GREB1L: variants seen among roughly 807,000 people sequenced by gnomAD.
The protein encoded by GREB1L is GREB1-like protein.
GREB1L carries 17 observed loss-of-function variants against 200.8 expected under a neutral mutation model. The ratio of observed to expected loss-of-function variants is 0.08; its 90% CI spans 0.06 to 0.13. GREB1L has a LOEUF of 0.13. Ranked by LOEUF, GREB1L falls within the 10% of genes least tolerant of loss-of-function variation. GREB1L has a pLI of 1.00. For missense variants in GREB1L, 1,657 were observed against 2,367.7 expected (o/e 0.70, Z 6.23); for synonymous variants, 789 against 893.0 (o/e 0.88, Z 2.08).
At chr18:21,262,529 T>A (rs1312095125) in intron 1 of GREB1L, among the ~76,000 whole-genome samples, 2 of 152,202 alleles carry the variant, frequency 1.3e-5, no homozygotes, top group African/African-American at 4.8e-5. Flanking sequence ...GTTGTTTCTG[T>A]TATTTCACAC....
intron 15 of GREB1L, among the ~76,000 whole-genome samples, chr18:21,462,667 C>G (rs1244350087): frequency 6.6e-6 from 1 of 152,106 alleles, no homozygotes; most frequent in Non-Finnish European, 1.5e-5. Context: ...CCAGGCTGGT[C>G]TCGAACCACT....
At chr18:21,470,284 T>C (rs1424101568) in intron 15 of GREB1L, among the ~76,000 whole-genome samples, 5 of 152,124 alleles carry the variant, frequency 3.3e-5, no homozygotes, top group Non-Finnish European at 7.4e-5. Flanking sequence ...AGGACTCTTG[T>C]CTCTTTAAAT....
chr18:21,293,409 T>A (rs2144609016), intron 1 of GREB1L, among the ~76,000 whole-genome samples: 1 of 152,344 alleles, frequency 6.6e-6, no homozygotes, highest in East Asian at 1.9e-4. Flanking sequence ...TTTTATTTTA[T>A]GTAATGAAGT....
At chr18:21,246,155 T>A (rs576823335) in intron 1 of GREB1L, among the ~76,000 whole-genome samples, 2 of 152,158 alleles carry the variant, frequency 1.3e-5, no homozygotes, top group South Asian at 4.2e-4. Flanking sequence ...AAATTAGAGG[T>A]TGTGGGTTTA....
intron 17 of GREB1L, among the ~76,000 whole-genome samples, chr18:21,481,239 G>A (rs186816712): frequency 1.4e-4 from 21 of 152,090 alleles, no homozygotes; most frequent in Admixed American, 7.9e-4. Context: ...CAGGGGGATG[G>A]GGGCAGGAGG....
chr18:21,436,738 T>C (rs1257291639), intron 7 of GREB1L, among the ~76,000 whole-genome samples: 1 of 150,314 alleles, frequency 6.7e-6, no homozygotes, highest in East Asian at 2.0e-4. Context: ...TGAAACAGGG[T>C]ATCTCTCTGT....
At chr18:21,319,567 G>T (rs8098796) in intron 1 of GREB1L, among the ~76,000 whole-genome samples, 26,446 of 152,208 alleles carry the variant, frequency 0.17, 5,274 homozygotes, top group African/African-American at 0.48. Flanking sequence ...AAGTTAGTAT[G>T]TTTTCCCTTT....
chr18:21,282,280 A>T (rs1259663124), intron 1 of GREB1L, among the ~76,000 whole-genome samples: 2 of 152,184 alleles, frequency 1.3e-5, no homozygotes, highest in South Asian at 4.1e-4. Flanking sequence ...TCTCTTAAAA[A>T]AAAATTATGG....
intron 7 of GREB1L, among the ~76,000 whole-genome samples, chr18:21,437,851 CAG>C (rs1411986359): frequency 6.6e-6 from 1 of 152,060 alleles, no homozygotes; most frequent in Non-Finnish European, 1.5e-5. Flanking sequence ...TATTTTTTAA[CAG>C]ATAATTAAAA....
intron 17 of GREB1L, among the ~76,000 whole-genome samples, chr18:21,482,419 G>A (rs1598907657): frequency 6.6e-6 from 1 of 152,054 alleles, no homozygotes; most frequent in Admixed American, 6.6e-5. Context: ...CACCACGCTC[G>A]GCTAATTTTT....
At chr18:21,343,254 G>A (rs1203721817) in intron 1 of GREB1L, among the ~76,000 whole-genome samples, 1 of 152,154 alleles carries the variant, frequency 6.6e-6, no homozygotes, top group Non-Finnish European at 1.5e-5. Context: ...GGATTCATGG[G>A]TAAACCTACC....
intron 1 of GREB1L, among the ~76,000 whole-genome samples, chr18:21,283,206 A>C (rs1470591850): frequency 6.6e-6 from 1 of 152,198 alleles, no homozygotes; most frequent in Non-Finnish European, 1.5e-5. Flanking sequence ...GGAACCTATC[A>C]GTTATTTGTT....
chr18:21,402,553 T>C (rs968983059), intron 6 of GREB1L, among the ~76,000 whole-genome samples: 8 of 151,388 alleles, frequency 5.3e-5, no homozygotes, highest in Admixed American at 2.0e-4. Context: ...TTTTCTTTCT[T>C]ACACGCTCTC....
At chr18:21,369,098 C>G (rs2039778564) in intron 2 of GREB1L, among the ~76,000 whole-genome samples, 1 of 152,128 alleles carries the variant, frequency 6.6e-6, no homozygotes, top group Admixed American at 6.6e-5. Flanking sequence ...ATTATAGTAT[C>G]TTTTGAAATT....
chr18:21,464,296 G>A (rs1354216451), intron 15 of GREB1L, among the ~76,000 whole-genome samples: 3 of 152,072 alleles, frequency 2.0e-5, no homozygotes, highest in East Asian at 1.9e-4. Flanking sequence ...TTGGGAGGCC[G>A]AGGGGGGCGG....
chr18:21,370,305 T>C (rs184273567), intron 2 of GREB1L, among the ~76,000 whole-genome samples: 1 of 152,280 alleles, frequency 6.6e-6, no homozygotes, highest in East Asian at 1.9e-4. Context: ...GTTAGACAGA[T>C]ACTAGACCCA....
At chr18:21,368,468 GA>G (rs960409827) in intron 2 of GREB1L, among the ~76,000 whole-genome samples, 6 of 151,586 alleles carry the variant, frequency 4.0e-5, no homozygotes, top group African/African-American at 1.2e-4. Context: ...GAATGTTTAA[GA>G]AAAAAAACAG....
rs749184398 is a variant in GREB1L, at chr18:21,508,597, G to A, written c.4735+6G>A. 1.6e-5 allele frequency: 25 copies of A among 1,551,156 alleles called. No homozygotes were observed. In the African/African-American group the frequency reaches 3.0e-4, roughly 19 times the overall value. On this transcript the variant is annotated splice_donor_region_variant and intron_variant, in intron 27 of 32. Coordinates refer to ENST00000424526, the MANE Select transcript of GREB1L (RefSeq NM_001142966.3). Reference sequence around the variant, plus strand: ...GTTCAATAATGCAGGCGTGGGTAAGGGGCCCCCCTGGGATGGGGAGAAGGG... The same window carrying A: ...GTTCAATAATGCAGGCGTGGGTAAGAGGCCCCCCTGGGATGGGGAGAAGGG...
At chr18:21,389,333 G>GTTTTTT (rs78492131) in intron 4 of GREB1L, among the ~76,000 whole-genome samples, 1,847 of 95,446 alleles carry the variant, frequency 0.019, 45 homozygotes, top group Non-Finnish European at 0.023. Flanking sequence ...TATGGGGTGG[G>GTTTTTT]TTTTTTTTTT....
Sources: allele counts gnomAD v4.1 joint callset (sites outside exome capture counted in the v4.1 genomes callset), GRCh38; gene constraint gnomAD v4.1.1; transcripts MANE v1.5; gene names NCBI Gene and HGNC (gene_info 2026-07-23, HGNC 2026-07-21).